FAM222A: variants seen among roughly 807,000 people sequenced by gnomAD.
FAM222A encodes the protein protein FAM222A.
FAM222A carries 7 observed loss-of-function variants against 25.8 expected under a neutral mutation model. That is an observed-to-expected ratio of 0.27 (90% CI 0.15 to 0.51). The LOEUF (loss-of-function observed/expected upper bound fraction) is 0.51, where lower values mean the gene tolerates loss of function less well. FAM222A is among the 20% of genes least tolerant of loss of function. The pLI is 0.97. For synonymous variants in FAM222A, 294 were observed against 298.8 expected (o/e 0.98, Z 0.17); for missense variants, 573 against 640.5 (o/e 0.89, Z 1.14).
At chr12:109,747,489 A>C (rs1888434931) in intron 2 of FAM222A, among the ~76,000 whole-genome samples, 1 of 152,118 alleles carries the variant, frequency 6.6e-6, no homozygotes, top group East Asian at 1.9e-4. Context: ...TCTTGTCTGA[A>C]CTATAGAATC....
chr12:109,768,824 CCA>C lies in FAM222A; in HGVS notation c.897_898del (p.Leu300AlafsTer14). 1 of 1,576,670 alleles carries C rather than the reference CCA, an allele frequency of 6.3e-7. No individual in the cohort carries two copies. Among genetic ancestry groups the C allele is most frequent in the Non-Finnish European group, 8.6e-7 (1 of 1,167,884 alleles). ...GAAACCGCCCCCACCGCCGCCCCAG[CCA>C]CTGCGTGCCTACAGTGGGAGCACGG... ...PQKPPPPPPQ[P>X]LRAYSGSTVA... On this transcript the variant is annotated frameshift_variant, in exon 3 of 3. Coordinates refer to ENST00000538780, the MANE Select transcript of FAM222A (RefSeq NM_032829.3). LOFTEE classifies it high-confidence loss of function.
chr12:109,761,426 T>G (rs1888893194), intron 2 of FAM222A, among the ~76,000 whole-genome samples: 1 of 152,072 alleles, frequency 6.6e-6, no homozygotes, highest in Non-Finnish European at 1.5e-5. Flanking sequence ...AAATCAATAC[T>G]CAGTCACTGG....
chr12:109,717,437 C>T (rs1251102598), intron 1 of FAM222A, among the ~76,000 whole-genome samples: 2 of 152,182 alleles, frequency 1.3e-5, no homozygotes, highest in Non-Finnish European at 1.5e-5. Flanking sequence ...GATGAGGTTC[C>T]TGACCCAGCC....
intron 2 of FAM222A, among the ~76,000 whole-genome samples, chr12:109,755,724 G>A (rs948842898): frequency 2.6e-5 from 4 of 152,222 alleles, no homozygotes; most frequent in African/African-American, 7.2e-5. Flanking sequence ...AACATTTGTT[G>A]AAGAGACCAA....
At chr12:109,740,922 G>A (rs536334886) in intron 1 of FAM222A, among the ~76,000 whole-genome samples, 14 of 152,324 alleles carry the variant, frequency 9.2e-5, no homozygotes, top group South Asian at 4.1e-4. Flanking sequence ...GAGTTCGAAC[G>A]GATCAGGGTC....
intron 1 of FAM222A, among the ~76,000 whole-genome samples, chr12:109,716,490 A>G (rs1887647963): frequency 6.6e-6 from 1 of 152,114 alleles, no homozygotes; most frequent in Non-Finnish European, 1.5e-5. Flanking sequence ...ATATCGGTGG[A>G]GCTGCTTTTG....
At chr12:109,736,002 C>T (rs1298506447) in intron 1 of FAM222A, 1 of 152,340 alleles carries the variant, frequency 6.6e-6, no homozygotes, top group Non-Finnish European at 1.5e-5. Flanking sequence ...GAGGGCCAGC[C>T]AGGCCTGTTG....
chr12:109,718,966 A>G (rs1205258601), intron 1 of FAM222A, among the ~76,000 whole-genome samples: 1 of 152,208 alleles, frequency 6.6e-6, no homozygotes, highest in Non-Finnish European at 1.5e-5. Flanking sequence ...GCATCAAACA[A>G]AAGATGGGGT....
At chr12:109,766,998 T>C (rs1889069653) in intron 2 of FAM222A, among the ~76,000 whole-genome samples, 2 of 150,992 alleles carry the variant, frequency 1.3e-5, no homozygotes, top group African/African-American at 4.9e-5. Flanking sequence ...TGGGCTCAGG[T>C]GATCCTCCCA....
chr12:109,768,823 G>A lies in FAM222A; in HGVS notation c.894G>A (p.Gln298=). Residue 298 remains glutamine, a synonymous_variant, in exon 3 of 3, where the codon CAG becomes CAA. Transcript: ENST00000538780. The part of the protein sequence containing the change: ...WPQKPPPPPP[Q]PLRAYSGSTV... Reference sequence around the variant, plus strand: ...AGAAACCGCCCCCACCGCCGCCCCAGCCACTGCGTGCCTACAGTGGGAGCA... The same window carrying A: ...AGAAACCGCCCCCACCGCCGCCCCAACCACTGCGTGCCTACAGTGGGAGCA... 5 of 1,576,236 alleles carry A rather than the reference G, an allele frequency of 3.2e-6. No homozygotes were observed. Among genetic ancestry groups the A allele is most frequent in the Non-Finnish European group, 4.3e-6 (5 of 1,167,670 alleles).
intron 2 of FAM222A, among the ~76,000 whole-genome samples, chr12:109,753,562 G>C (rs540519078): frequency 2.8e-4 from 42 of 152,172 alleles, no homozygotes; most frequent in Middle Eastern, 3.4e-3. Context: ...CCCATCCCGG[G>C]GGGGGGAGCC....
At chr12:109,759,104 G>A (rs1049614621) in intron 2 of FAM222A, among the ~76,000 whole-genome samples, 3 of 152,156 alleles carry the variant, frequency 2.0e-5, no homozygotes, top group African/African-American at 7.2e-5. Context: ...ACCTAGGACC[G>A]CAGGGGGATC....
chr12:109,726,288 G>A (rs939458271), intron 1 of FAM222A, among the ~76,000 whole-genome samples: 1 of 152,194 alleles, frequency 6.6e-6, no homozygotes, highest in Non-Finnish European at 1.5e-5. Context: ...TCATCTGTGA[G>A]TTGAGGGTAA....
intron 1 of FAM222A, among the ~76,000 whole-genome samples, chr12:109,730,407 G>C (rs997509420): frequency 2.0e-3 from 12 of 6,118 alleles, no homozygotes; most frequent in African/African-American, 9.3e-3. Flanking sequence ...CCTGGGGGGC[G>C]GGGGGGGGGG....
intron 2 of FAM222A, 37 bp from the exon 3 acceptor site, chr12:109,767,975 C>G (rs764282437): frequency 1.9e-6 from 3 of 1,592,416 alleles, no homozygotes; most frequent in Admixed American, 1.7e-5. Flanking sequence ...TTGGCATGGC[C>G]TCCTGATGGG....
At chr12:109,725,912 T>C (rs1887832441) in intron 1 of FAM222A, among the ~76,000 whole-genome samples, 1 of 151,784 alleles carries the variant, frequency 6.6e-6, no homozygotes, top group Non-Finnish European at 1.5e-5. Context: ...GCCCGGATGG[T>C]GCGCGCCGGC....
chr12:109,735,137 C>T lies in FAM222A; in HGVS notation c.-46-8964C>T, dbSNP rs549739718. On this transcript the variant is annotated intron_variant, in intron 1 of 2. Coordinates refer to ENST00000538780, the MANE Select transcript of FAM222A (RefSeq NM_032829.3). ...AGCCCTTGCCAGCCACTTTTGTCCA[C>T]TCTCCTCCCCCGACCTGGGCCACTG... Among the ~76,000 whole-genome samples the T allele has an allele frequency of 9.8e-5, 15 of 152,342 alleles. No homozygotes were observed. In the South Asian group the frequency reaches 3.1e-3, roughly 32 times the overall value.
chr12:109,715,619 T>C (rs1887628873), intron 1 of FAM222A, among the ~76,000 whole-genome samples: 1 of 152,116 alleles, frequency 6.6e-6, no homozygotes. Flanking sequence ...TCCTCTGACC[T>C]AAATCCTTAG....
chr12:109,718,690 C>T (rs984414072), intron 1 of FAM222A, among the ~76,000 whole-genome samples: 2 of 152,206 alleles, frequency 1.3e-5, no homozygotes, highest in Admixed American at 6.5e-5. Flanking sequence ...CGGTGCCGGC[C>T]GGTCACCTCC....
Sources: allele counts gnomAD v4.1 joint callset (sites outside exome capture counted in the v4.1 genomes callset), GRCh38; gene constraint gnomAD v4.1.1; transcripts MANE v1.5; gene names NCBI Gene and HGNC (gene_info 2026-07-23, HGNC 2026-07-21).